IRF2: variants seen among roughly 807,000 people sequenced by gnomAD.
IRF2 encodes the protein interferon regulatory factor 2.
A neutral mutation model predicts 40.6 loss-of-function variants in IRF2; 15 were observed. That is an observed-to-expected ratio of 0.37 (90% CI 0.25 to 0.57). The LOEUF is 0.57. Ranked by LOEUF, IRF2 falls within the 20% of genes least tolerant of loss-of-function variation. The pLI, the probability that IRF2 is intolerant of heterozygous loss-of-function variation, is 0.77. For synonymous variants in IRF2, 151 were observed against 165.5 expected (o/e 0.91, Z 0.67); for missense variants, 317 against 455.7 (o/e 0.70, Z 2.77).
At chr4:184,445,660 A>AAG (rs1738478637) in intron 1 of IRF2, among the ~76,000 whole-genome samples, 2 of 151,776 alleles carry the variant, frequency 1.3e-5, no homozygotes, top group South Asian at 4.2e-4. Context: ...ATCACAAAAA[A>AAG]AAAAAAAAGA....
chr4:184,457,581 CAA>C (rs566087631), intron 1 of IRF2, among the ~76,000 whole-genome samples: 185 of 152,248 alleles, frequency 1.2e-3, no homozygotes, highest in African/African-American at 4.2e-3. Context: ...TCAAAACAAA[CAA>C]AAGAGAGTAC....
intron 1 of IRF2, among the ~76,000 whole-genome samples, chr4:184,442,881 T>TGTGGGG (rs1196930307): frequency 0.018 from 132 of 7,414 alleles, 1 homozygote; most frequent in Middle Eastern, 0.05. Context: ...AAGATAACTT[T>TGTGGGG]GTGGGGGTGG....
intron 6 of IRF2, chr4:184,407,396 G>C (rs1423743844): frequency 2.5e-6 from 1 of 405,650 alleles, no homozygotes; most frequent in Non-Finnish European, 4.4e-6. Context: ...CAGGAGAGAA[G>C]GAACATCAGA....
rs1027050515 is a variant in IRF2, at chr4:184,460,831, G to A, written c.-7+13548C>T. Among the ~76,000 whole-genome samples, 5 of 152,086 alleles carry A rather than the reference G, an allele frequency of 3.3e-5. No individual in the cohort carries two copies. The East Asian group carries it at 9.6e-4, about 29-fold the overall frequency. On this transcript the variant is annotated intron_variant, in intron 1 of 8. Coordinates refer to ENST00000393593, the MANE Select transcript of IRF2 (RefSeq NM_002199.4). The stretch of plus-strand genomic sequence containing the variant: ...GGGTACTAAATGATATCTAAAGTAG[G>A]ACCTACGTAGAAAAAGAGCTACATA...
rs1488992449 is a variant in IRF2 at position 184,442,927 on chromosome 4, T to C, written c.-6-13857A>G. Among the ~76,000 whole-genome samples, 4 of 150,052 alleles carry C rather than the reference T, an allele frequency of 2.7e-5. No homozygotes were observed. In the East Asian group the frequency reaches 5.9e-4, roughly 22 times the overall value. On this transcript the variant is annotated intron_variant, in intron 1 of 8. Coordinates refer to ENST00000393593, the MANE Select transcript of IRF2 (RefSeq NM_002199.4). ...GGTGGGGGCAGCGGGGTGGGAGGGG[T>C]TGTTTTGTTTTGTTTGAGACAGAGT...
chr4:184,422,623 T>C (rs976831947), intron 2 of IRF2, among the ~76,000 whole-genome samples: 4 of 152,202 alleles, frequency 2.6e-5, no homozygotes, highest in African/African-American at 9.7e-5. Flanking sequence ...TATTGACACA[T>C]GCTACCATGT....
intron 6 of IRF2, among the ~76,000 whole-genome samples, chr4:184,407,583 A>G (rs552311709): frequency 8.5e-5 from 13 of 152,174 alleles, no homozygotes; most frequent in Non-Finnish European, 1.8e-4. Flanking sequence ...TTTACCACAC[A>G]TGGTAACACT....
intron 6 of IRF2, among the ~76,000 whole-genome samples, chr4:184,403,618 C>G (rs76407443): frequency 0.012 from 1,810 of 152,268 alleles, 37 homozygotes; most frequent in African/African-American, 0.042. Flanking sequence ...GCAGCAGAAC[C>G]GGGATTCAAT....
At chr4:184,460,047 A>G (rs1739078819) in intron 1 of IRF2, among the ~76,000 whole-genome samples, 2 of 152,250 alleles carry the variant, frequency 1.3e-5, no homozygotes, top group African/African-American at 4.8e-5. Flanking sequence ...TTTTATACCA[A>G]TGATCACAGC....
At chr4:184,463,647 CAT>C (rs66989857) in intron 1 of IRF2, among the ~76,000 whole-genome samples, 1 of 151,204 alleles carries the variant, frequency 6.6e-6, no homozygotes, top group African/African-American at 2.4e-5. Flanking sequence ...CAATATCGTG[CAT>C]ATATATATAT....
At chr4:184,421,838 G>A (rs1030890127) in intron 2 of IRF2, among the ~76,000 whole-genome samples, 8 of 152,162 alleles carry the variant, frequency 5.3e-5, no homozygotes, top group African/African-American at 9.7e-5. Context: ...CTCTTGAAAT[G>A]TGCAACAGGC....
chr4:184,428,682 C>G (rs576574580), intron 2 of IRF2: 2 of 485,854 alleles, frequency 4.1e-6, no homozygotes, highest in Non-Finnish European at 8.1e-6. Flanking sequence ...ACCTGTAGTT[C>G]CAGCTACTCT....
At chr4:184,395,133 C>T (rs1201104665) in intron 7 of IRF2, among the ~76,000 whole-genome samples, 3 of 151,910 alleles carry the variant, frequency 2.0e-5, no homozygotes, top group Non-Finnish European at 2.9e-5. Context: ...CAGAGCATGC[C>T]GGGCGCGGTG....
chr4:184,389,686 G>A (rs1736183411), intron 8 of IRF2, among the ~76,000 whole-genome samples: 1 of 152,130 alleles, frequency 6.6e-6, no homozygotes, highest in South Asian at 2.1e-4. Flanking sequence ...GAAGGCAGCA[G>A]CTTGGTTTCT....
intron 2 of IRF2, among the ~76,000 whole-genome samples, chr4:184,427,557 G>GA (rs1354986416): frequency 6.6e-6 from 1 of 152,116 alleles, no homozygotes; most frequent in Admixed American, 6.5e-5. Context: ...AAGGTGGGAG[G>GA]ATCGCTTCAG....
chr4:184,441,447 C>T (rs1738301145), intron 1 of IRF2, among the ~76,000 whole-genome samples: 3 of 152,178 alleles, frequency 2.0e-5, no homozygotes, highest in Admixed American at 6.5e-5. Flanking sequence ...AATACCTGCT[C>T]GTGACACCCC....
chr4:184,410,154 G>A (rs532145494), intron 5 of IRF2, among the ~76,000 whole-genome samples: 2 of 152,256 alleles, frequency 1.3e-5, no homozygotes, highest in South Asian at 4.1e-4. Flanking sequence ...AATCAGAAGG[G>A]CCTGGAGCAA....
In IRF2 at chr4:184,387,924, T is replaced by A. The variant is rs570333205; in HGVS notation, c.*834A>T. On this transcript the variant is annotated 3_prime_UTR_variant, in exon 9 of 9. Transcript: ENST00000393593. ...CTGTAGAAAAGATAAAAAACAATTA[T>A]ATTTTATTTAGAATTTTACCTTGAA... 31 of 152,722 alleles carry A rather than the reference T, an allele frequency of 2.0e-4. No individual in the cohort carries two copies. In the East Asian group the frequency reaches 5.6e-3, roughly 27 times the overall value. The allele number at this position is 152,722 out of a possible 1,614,324, so 9.5% of individuals were successfully genotyped here. A position where few individuals can be genotyped will look rare whatever the true frequency, so the allele number is the denominator to read the frequency against.
chr4:184,435,496 G>GA (rs2149906962), intron 1 of IRF2, among the ~76,000 whole-genome samples: 1 of 152,308 alleles, frequency 6.6e-6, no homozygotes, highest in South Asian at 2.1e-4. Flanking sequence ...GAATAACTAA[G>GA]AAACATGGAC....
Sources: allele counts gnomAD v4.1 joint callset (sites outside exome capture counted in the v4.1 genomes callset), GRCh38; gene constraint gnomAD v4.1.1; transcripts MANE v1.5; gene names NCBI Gene and HGNC (gene_info 2026-07-23, HGNC 2026-07-21).